SLCO3A1: variants seen among roughly 807,000 people sequenced by gnomAD.
SLCO3A1 encodes solute carrier organic anion transporter family member 3A1.
A neutral mutation model predicts 63.1 loss-of-function variants in SLCO3A1; 27 were observed. The ratio of observed to expected loss-of-function variants is 0.43; its 90% CI spans 0.32 to 0.59. SLCO3A1 has a LOEUF of 0.59. SLCO3A1 is among the 20% of genes least tolerant of loss of function. The probability of loss-of-function intolerance (pLI) is 0.09; values close to 1 mark genes in which losing one functional copy is unlikely to be tolerated. For synonymous variants in SLCO3A1, 473 were observed against 409.9 expected (o/e 1.15, Z -1.86); for missense variants, 773 against 945.8 (o/e 0.82, Z 2.40).
intron 2 of SLCO3A1, among the ~76,000 whole-genome samples, chr15:92,002,152 A>G (rs891582037): frequency 6.6e-5 from 10 of 152,082 alleles, no homozygotes; most frequent in Admixed American, 1.3e-4. Flanking sequence ...TTTTTAACCT[A>G]TGGAGTGGAT....
intron 2 of SLCO3A1, among the ~76,000 whole-genome samples, chr15:92,011,642 G>T (rs1211690291): frequency 1.3e-5 from 2 of 152,216 alleles, no homozygotes; most frequent in Non-Finnish European, 1.5e-5. Context: ...GGCGCCATCA[G>T]TGCCTGCCCT....
rs940697785 is a variant in SLCO3A1, at chr15:91,853,904, G to T, written c.-5G>T. On this transcript the variant is annotated 5_prime_UTR_variant, in exon 1 of 10. Coordinates refer to ENST00000318445, the MANE Select transcript of SLCO3A1 (RefSeq NM_013272.4). ...GGCGGCGGCGGCGGCGGCGGCGGGG[G>T]AAGGATGCAGGGGAAGAAGCCGGGC... 3 of 1,383,730 alleles carry T rather than the reference G, an allele frequency of 2.2e-6. No individual in the cohort carries two copies. In the South Asian group the frequency reaches 5.0e-5, roughly 23 times the overall value. The allele number at this position is 1,383,730 out of a possible 1,614,324, so 85.7% of individuals were successfully genotyped here.
intron 2 of SLCO3A1, among the ~76,000 whole-genome samples, chr15:91,925,239 A>G (rs1029956605): frequency 6.6e-6 from 1 of 152,030 alleles, no homozygotes; most frequent in Non-Finnish European, 1.5e-5. Context: ...TCTTGGCTTC[A>G]TTTTCTTTTT....
At chr15:92,093,932 G>A (rs1441924766) in intron 2 of SLCO3A1, among the ~76,000 whole-genome samples, 1 of 152,166 alleles carries the variant, frequency 6.6e-6, no homozygotes, top group Non-Finnish European at 1.5e-5. Context: ...CAACCTTGGA[G>A]CTGCCTGGCC....
Position 91,950,021 on chromosome 15 carries a change from G to A in SLCO3A1, c.646+33563G>A, listed in dbSNP as rs1041403459. 3.3e-5 allele frequency among the ~76,000 whole-genome samples: 5 copies of A among 152,054 alleles called. No homozygotes were observed. The highest frequency in any genetic ancestry group is 2.6e-4 in the Admixed American group (4 of 15,262). On this transcript the variant is annotated intron_variant, in intron 2 of 9. Transcript: ENST00000318445. This position sits in a 1 kb window ranked among gnomAD's most constrained non-coding sequence, Gnocchi z 4.4. ...GACCCTGTCTCTAAAAAACAACAAC[G>A]AAAAGAAGGCAGACTGTGATGGATT...
chr15:91,923,440 C>A (rs78431350), intron 2 of SLCO3A1, among the ~76,000 whole-genome samples: 9,904 of 152,246 alleles, frequency 0.065, 473 homozygotes, highest in Non-Finnish European at 0.1. Flanking sequence ...CTGAAGACCC[C>A]CTCCAGTGGC....
rs1205512005 is a variant in SLCO3A1, at chr15:91,967,004, G to A, written c.646+50546G>A. Among the ~76,000 whole-genome samples, 1 of 150,758 alleles carries A rather than the reference G, an allele frequency of 6.6e-6. No homozygotes were observed. Among genetic ancestry groups the A allele is most frequent in the Non-Finnish European group, 1.5e-5 (1 of 67,764 alleles). On this transcript the variant is annotated intron_variant, in intron 2 of 9. Transcript: ENST00000318445. This position sits in a 1 kb window ranked among gnomAD's most constrained non-coding sequence, Gnocchi z 4.4. ...CAGTTTTTTGGGGATTTTTTTTTTT[G>A]ACAGCAAGAGAGATGAGATACAATT...
intron 2 of SLCO3A1, among the ~76,000 whole-genome samples, chr15:92,035,213 A>G (rs1747735917): frequency 6.6e-6 from 1 of 151,846 alleles, no homozygotes; most frequent in African/African-American, 2.4e-5. Flanking sequence ...GGAGACCCTT[A>G]GATGAATTTG....
At position 92,162,988 on chromosome 15, in the gene SLCO3A1, G is replaced by A. The variant is rs779098530; in HGVS notation, c.1986G>A (p.Gly662=). 5.0e-6 allele frequency: 8 copies of A among 1,613,642 alleles called. No homozygotes were observed. In the African/African-American group the frequency reaches 6.7e-5, roughly 13 times the overall value. Residue 662 remains glycine (G), a synonymous_variant, in exon 10 of 10, where the codon GGG becomes GGA. Coordinates refer to ENST00000318445, the MANE Select transcript of SLCO3A1 (RefSeq NM_013272.4). ...GCTACATCAAAAACCACGAGGGCGG[G>A]CTGAGCACCAGTGAGTTCTTTGCCT... ...YKRYIKNHEG[G]LSTSEFFAST...
At chr15:92,002,290 G>A (rs1324170073) in intron 2 of SLCO3A1, among the ~76,000 whole-genome samples, 1 of 152,142 alleles carries the variant, frequency 6.6e-6, no homozygotes, top group African/African-American at 2.4e-5. Context: ...GGCAGGCAAC[G>A]TCTAGACACA....
intron 2 of SLCO3A1, among the ~76,000 whole-genome samples, chr15:92,045,315 C>CAT (rs1222858496): frequency 6.7e-6 from 1 of 150,322 alleles, no homozygotes; most frequent in Non-Finnish European, 1.5e-5. Context: ...TAGAGTAACA[C>CAT]ATACTCATTG....
intron 9 of SLCO3A1, among the ~76,000 whole-genome samples, chr15:92,153,116 A>G (rs1374643684): frequency 6.6e-6 from 1 of 152,250 alleles, no homozygotes; most frequent in Non-Finnish European, 1.5e-5. Flanking sequence ...TGCCCCAGGA[A>G]TAATCAACCA....
At chr15:92,112,717 G>A (rs1446896951) in intron 4 of SLCO3A1, among the ~76,000 whole-genome samples, 1 of 152,208 alleles carries the variant, frequency 6.6e-6, no homozygotes, top group Non-Finnish European at 1.5e-5. Context: ...TTGGGACACC[G>A]TAGACACTGT....
rs1318879201 is a variant in SLCO3A1, at chr15:92,047,040, A to C, written c.647-47841A>C. 1.7e-4 allele frequency among the ~76,000 whole-genome samples: 11 copies of C among 63,250 alleles called. 1 individual carries two copies. In the South Asian group the frequency reaches 4.9e-3, roughly 28 times the overall value. The allele number at this position is 63,250 out of a possible 152,430, so 41.5% of individuals were successfully genotyped here. A position where few individuals can be genotyped will look rare whatever the true frequency, so the allele number is the denominator to read the frequency against. ...ATATAATATATAAATATATATATATAAATATATATATAATATATAAATATA... is the reference window on the plus strand; with the variant it reads ...ATATAATATATAAATATATATATATCAATATATATATAATATATAAATATA... On this transcript the variant is annotated intron_variant, in intron 2 of 9. Transcript: ENST00000318445.
intron 2 of SLCO3A1, among the ~76,000 whole-genome samples, chr15:91,961,836 G>A (rs898759467): frequency 6.6e-6 from 1 of 152,214 alleles, no homozygotes; most frequent in Non-Finnish European, 1.5e-5. Context: ...CCCATTCACT[G>A]TTACATGTTT....
rs754525626 is a variant in SLCO3A1 at position 92,146,968 on chromosome 15, A to AACGCTTCCCTTTCAGAATCTCAC, written c.1513-15_1520dup. 2.6e-5 allele frequency: 41 copies of AACGCTTCCCTTTCAGAATCTCAC among 1,597,340 alleles called. No homozygotes were observed. Among genetic ancestry groups the AACGCTTCCCTTTCAGAATCTCAC allele is most frequent in the Non-Finnish European group, 1.5e-5 (18 of 1,172,568 alleles). ...GAAGTACCCCCAGATAAAAGGGCTG[A>AACGCTTCCCTTTCAGAATCTCAC]ACGCTTCCCTTTCAGAATCTCACGG... On this transcript the variant is annotated splice_polypyrimidine_tract_variant and intron_variant, in intron 7 of 9. Transcript: ENST00000318445.
intron 9 of SLCO3A1, chr15:92,157,052 T>C (rs1426333227): frequency 6.6e-6 from 1 of 152,198 alleles, no homozygotes; most frequent in Non-Finnish European, 1.5e-5. Flanking sequence ...AAGTTATGCA[T>C]TGAAATATAT....
rs1054633055 is a variant in SLCO3A1 at position 91,862,501 on chromosome 15, C to T, written c.180+8413C>T. On this transcript the variant is annotated intron_variant, in intron 1 of 9. Transcript: ENST00000318445. The surrounding 1 kb of genome is among the most constrained non-coding windows in gnomAD (Gnocchi z 4.0). ...ACCCATCCCATAGGCAGTGATGGGA[C>T]TACCACATTTGTTCTGCCAGGTTGT... 1.6e-4 allele frequency among the ~76,000 whole-genome samples: 24 copies of T among 152,254 alleles called. No homozygotes were observed. The highest frequency in any genetic ancestry group is 5.8e-4 in the East Asian group (3 of 5,184).
intron 1 of SLCO3A1, among the ~76,000 whole-genome samples, chr15:91,881,703 C>T (rs770920922): frequency 2.6e-5 from 4 of 152,104 alleles, no homozygotes; most frequent in Admixed American, 6.5e-5. Flanking sequence ...GTCTTTCTGT[C>T]GGAGCTCAGT....
Sources: allele counts gnomAD v4.1 joint callset (sites outside exome capture counted in the v4.1 genomes callset), GRCh38; gene constraint gnomAD v4.1.1; non-coding constraint Gnocchi (gnomAD v3.1); transcripts MANE v1.5; gene names NCBI Gene and HGNC (gene_info 2026-07-23, HGNC 2026-07-21).